Variants in NCOA2 observed in about 807,000 individuals in gnomAD.
The protein encoded by NCOA2 is class E basic helix-loop-helix protein 75.
Under a neutral mutation model 145.1 loss-of-function variants are expected in NCOA2, and 21 were observed. The ratio of observed to expected loss-of-function variants is 0.14; its 90% confidence interval spans 0.10 to 0.21. The LOEUF (loss-of-function observed/expected upper bound fraction) is 0.21. Ranked by LOEUF, NCOA2 falls within the 10% of genes least tolerant of loss-of-function variation. The pLI is 1.00. For synonymous variants in NCOA2, 619 were observed against 637.5 expected, an observed-to-expected ratio of 0.97 and a Z score of 0.44; for missense variants, 1,472 against 1,837.6, an observed-to-expected ratio of 0.80 and a Z score of 3.64.
At chr8:70,228,091 T>C (rs1465885358) in intron 2 of NCOA2, among the ~76,000 whole-genome samples, 1 of 151,940 alleles carries the variant, frequency 6.6e-6, no homozygotes, top group East Asian at 1.9e-4. Flanking sequence ...TACTAGAACT[T>C]AGAAAGTCTT....
the NCOA2 span, among the ~76,000 whole-genome samples, chr8:70,447,769 C>T: frequency 1.2e-4 from 18 of 150,478 alleles, no homozygotes; most frequent in Non-Finnish European, 2.2e-4. Context: ...ACTGCAGCCT[C>T]GACCTCCCAG....
intron 2 of NCOA2, among the ~76,000 whole-genome samples, chr8:70,218,586 TAAC>T (rs1048535997): frequency 5.2e-4 from 79 of 152,256 alleles, no homozygotes; most frequent in African/African-American, 1.7e-3. Flanking sequence ...CCCATCTCTG[TAAC>T]AACAACAAAA....
At chr8:70,424,449 C>T in the NCOA2 span, 416 of 495,508 alleles carry the variant, frequency 8.4e-4, no homozygotes, top group Non-Finnish European at 1.5e-3. Flanking sequence ...TTCTCAATAC[C>T]ACATGAGCAT....
chr8:70,122,128 T>G (rs181921343), intron 21 of NCOA2, among the ~76,000 whole-genome samples: 35 of 152,318 alleles, frequency 2.3e-4, no homozygotes, highest in African/African-American at 7.2e-4. Flanking sequence ...TAGCCCTTAC[T>G]TTGTACGCTT....
At chr8:70,246,979 A>C (rs1399657275) in intron 2 of NCOA2, among the ~76,000 whole-genome samples, 1 of 152,172 alleles carries the variant, frequency 6.6e-6, no homozygotes, top group East Asian at 1.9e-4. Flanking sequence ...CAGATACCAG[A>C]AGGGATTATT....
At chr8:70,284,727 T>C (rs1826121508) in intron 2 of NCOA2, among the ~76,000 whole-genome samples, 4 of 152,044 alleles carry the variant, frequency 2.6e-5, no homozygotes, top group Admixed American at 2.6e-4. Flanking sequence ...TGTGTATTAC[T>C]GAAGGGGATT....
the NCOA2 span, among the ~76,000 whole-genome samples, chr8:70,414,825 A>G: frequency 6.6e-6 from 1 of 152,246 alleles, no homozygotes; most frequent in African/African-American, 2.4e-5. Context: ...CAGTTTTTAA[A>G]AAAGCCTTTT....
At chr8:70,432,641 C>T in the NCOA2 span, among the ~76,000 whole-genome samples, 2 of 152,100 alleles carry the variant, frequency 1.3e-5, no homozygotes, top group East Asian at 3.9e-4. Context: ...CCAGCCTGGG[C>T]AATACAGTGA....
the NCOA2 span, among the ~76,000 whole-genome samples, chr8:70,420,527 C>G: frequency 6.6e-6 from 1 of 152,168 alleles, no homozygotes; most frequent in East Asian, 1.9e-4. Context: ...AGCGAGGTCT[C>G]TAATGATTGT....
chr8:70,159,243 T>TATATATATATATATATATATATG (rs869045939), intron 10 of NCOA2, among the ~76,000 whole-genome samples: 2 of 82,084 alleles, frequency 2.4e-5, no homozygotes, highest in African/African-American at 5.0e-5. Flanking sequence ...TATATATATA[T>TATATATATATATATATATATATG]TTTTTTTTTT....
chr8:70,180,127 C>T (rs556616271), intron 4 of NCOA2, among the ~76,000 whole-genome samples: 1 of 152,274 alleles, frequency 6.6e-6, no homozygotes, highest in East Asian at 1.9e-4. Context: ...AAGAAAGTAA[C>T]AATGAAAATA....
At chr8:70,427,597 C>G in the NCOA2 span, among the ~76,000 whole-genome samples, 32,668 of 152,160 alleles carry the variant, frequency 0.21, 3,866 homozygotes, top group East Asian at 0.51. Flanking sequence ...TCTAAAAGCC[C>G]TTACAAAGTG....
chr8:70,279,232 G>A (rs894490197), intron 2 of NCOA2, among the ~76,000 whole-genome samples: 7 of 152,010 alleles, frequency 4.6e-5, no homozygotes, highest in Middle Eastern at 3.2e-3. Flanking sequence ...GGAATTACCC[G>A]CAGTAGGTGC....
chr8:70,357,193 C>A (rs1809778019), intron 1 of NCOA2, among the ~76,000 whole-genome samples: 1 of 152,044 alleles, frequency 6.6e-6, no homozygotes, highest in Non-Finnish European at 1.5e-5. Flanking sequence ...AAAATCAACA[C>A]ACAAAAACCA....
chr8:70,292,970 G>A (rs374485339), intron 2 of NCOA2, among the ~76,000 whole-genome samples: 2 of 152,162 alleles, frequency 1.3e-5, no homozygotes, highest in Admixed American at 1.3e-4. Context: ...TAAGTGCAGA[G>A]GAGTCTACCC....
rs1811328552 is a variant in NCOA2, at chr8:70,148,258, A to G, written c.2605+15T>C. On this transcript the variant is annotated intron_variant, in intron 12 of 22. Coordinates refer to ENST00000452400, the MANE Select transcript of NCOA2 (RefSeq NM_006540.4). ...TGGAAATTTCTTGGCATAACCAGCC[A>G]TTTCTCATACTCACTGCTCTGTGAA... 1 of 1,612,068 alleles carries G rather than the reference A, an allele frequency of 6.2e-7. No homozygotes were observed. The highest frequency in any genetic ancestry group is 8.5e-7 in the Non-Finnish European group (1 of 1,178,230).
At chr8:70,238,108 A>G (rs564380238) in intron 2 of NCOA2, among the ~76,000 whole-genome samples, 1 of 152,254 alleles carries the variant, frequency 6.6e-6, no homozygotes, top group Middle Eastern at 3.4e-3. Context: ...GACAGAAATG[A>G]CAGGTTCATG....
chr8:70,159,243 T>TATGTATATATA (rs869045939), intron 10 of NCOA2, among the ~76,000 whole-genome samples: 1 of 82,082 alleles, frequency 1.2e-5, no homozygotes, highest in Admixed American at 1.5e-4. Flanking sequence ...TATATATATA[T>TATGTATATATA]TTTTTTTTTT....
At chr8:70,182,374 G>T (rs185685236) in intron 4 of NCOA2, among the ~76,000 whole-genome samples, 332 of 152,278 alleles carry the variant, frequency 2.2e-3, no homozygotes, top group Non-Finnish European at 3.6e-3. Context: ...TTTAGAGAAA[G>T]CAACATATTT....
Sources: allele counts gnomAD v4.1 joint callset (sites outside exome capture counted in the v4.1 genomes callset), GRCh38; gene constraint gnomAD v4.1.1; transcripts MANE v1.5; gene names NCBI Gene and HGNC (gene_info 2026-07-23, HGNC 2026-07-21).